The following ATF7 variants were observed in gnomAD, a reference collection of about 807,000 sequenced individuals.
The protein encoded by ATF7 is activating transcription factor 7, also known as cyclic AMP-dependent transcription factor ATF-7.
In ATF7, 10 loss-of-function variants were observed where a neutral mutation model predicts 50.4. That is an observed-to-expected ratio of 0.20 (90% confidence interval 0.12 to 0.34). The LOEUF is 0.34. Ranked by LOEUF, ATF7 falls within the 10% of genes least tolerant of loss-of-function variation. The probability of loss-of-function intolerance (pLI) is 1.00; values close to 1 mark genes in which losing one functional copy is unlikely to be tolerated. For missense variants in ATF7, 465 were observed against 613.9 expected (o/e 0.76, Z 2.56); for synonymous variants, 201 against 226.4 (o/e 0.89, Z 1.01).
At chr12:53,517,620 G>T in intron 11 of ATF7, 1 of 487,514 alleles carries the variant, frequency 2.1e-6, no homozygotes, top group Non-Finnish European at 3.7e-6. Context: ...TACACTGTCT[G>T]GTTTCTAGGT....
At position 53,543,253 on chromosome 12, in the gene ATF7, A is replaced by C. The variant is rs1168136758; in HGVS notation, c.264+77T>G. ...TGATTTTGTGTTTTAACCAATTAAG[A>C]AAATTATCCCAAAGCACAATAAAAA... On this transcript the variant is annotated intron_variant, in intron 4 of 11. Transcript: ENST00000420353. 1.9e-6 allele frequency: 3 copies of C among 1,551,500 alleles called. No individual in the cohort carries two copies. The African/African-American group carries it at 4.1e-5, about 21-fold the overall frequency.
chr12:53,578,532 A>C (rs758316517), intron 2 of ATF7, among the ~76,000 whole-genome samples: 1 of 152,090 alleles, frequency 6.6e-6, no homozygotes, highest in Non-Finnish European at 1.5e-5. Context: ...CTGTAATCCC[A>C]ACACTCTGGG....
chr12:53,593,147 G>A (rs896869910), intron 2 of ATF7, among the ~76,000 whole-genome samples: 14 of 152,322 alleles, frequency 9.2e-5, no homozygotes, highest in African/African-American at 3.4e-4. Flanking sequence ...GCTAATGACT[G>A]TAATCCCAAG....
At chr12:53,583,643 T>C (rs1401957593) in intron 2 of ATF7, among the ~76,000 whole-genome samples, 2 of 152,156 alleles carry the variant, frequency 1.3e-5, no homozygotes, top group African/African-American at 4.8e-5. Flanking sequence ...TGTATGGCGA[T>C]GACTTTTTAA....
At chr12:53,620,505 G>A (rs1167577613) in intron 1 of ATF7, among the ~76,000 whole-genome samples, 1 of 148,542 alleles carries the variant, frequency 6.7e-6, no homozygotes, top group Admixed American at 6.7e-5. Flanking sequence ...GAACCCGGGA[G>A]GCGGAGCTTG....
At chr12:53,617,242 C>T (rs1276276499) in intron 1 of ATF7, among the ~76,000 whole-genome samples, 3 of 152,090 alleles carry the variant, frequency 2.0e-5, no homozygotes, top group African/African-American at 7.2e-5. Context: ...AGGCTGGTCT[C>T]GAACTCCTGG....
At chr12:53,545,688 T>G (rs576756374) in intron 3 of ATF7, among the ~76,000 whole-genome samples, 1 of 152,226 alleles carries the variant, frequency 6.6e-6, no homozygotes, top group Admixed American at 6.5e-5. Flanking sequence ...TGGTGCTACA[T>G]GCATACACTT....
chr12:53,564,529 G>A (rs1941331287), intron 2 of ATF7, among the ~76,000 whole-genome samples: 1 of 152,094 alleles, frequency 6.6e-6, no homozygotes, highest in Non-Finnish European at 1.5e-5. Flanking sequence ...TCAATTATTT[G>A]AATTTTACAG....
At chr12:53,608,792 A>T (rs1449932322) in intron 1 of ATF7, among the ~76,000 whole-genome samples, 1 of 152,188 alleles carries the variant, frequency 6.6e-6, no homozygotes, top group African/African-American at 2.4e-5. Flanking sequence ...GCCATTAAGC[A>T]AAGAGTACAA....
Position 53,534,513 on chromosome 12 carries a change from G to A in ATF7, c.549C>T (p.Asn183=). 1 of 1,613,854 alleles carries A rather than the reference G, an allele frequency of 6.2e-7. No individual in the cohort carries two copies. The highest frequency in any genetic ancestry group is 8.5e-7 in the Non-Finnish European group (1 of 1,179,808). ...CTCTCTGTACTTACCCCATTTGCCT[G>A]TTGGATGGTGGAGCCTGTGTGATGA... ...TSVITQAPPS[N]RQMGSPTGSL... Residue 183 remains asparagine (N), a synonymous_variant, in exon 6 of 12, where the codon AAC becomes AAT. Coordinates refer to ENST00000420353, the MANE Select transcript of ATF7 (RefSeq NM_006856.3).
intron 3 of ATF7, among the ~76,000 whole-genome samples, chr12:53,552,020 C>T (rs12578112): frequency 0.038 from 5,829 of 152,226 alleles, 211 homozygotes; most frequent in East Asian, 0.19. Flanking sequence ...TTAGAAAAGT[C>T]CCACTGACTA....
chr12:53,549,052 T>C (rs1263223922), intron 3 of ATF7, among the ~76,000 whole-genome samples: 3 of 151,814 alleles, frequency 2.0e-5, no homozygotes, highest in Non-Finnish European at 4.4e-5. Flanking sequence ...TTTGGGAGGC[T>C]AAGGCAGGCA....
chr12:53,558,062 T>G (rs1373280436), intron 2 of ATF7, among the ~76,000 whole-genome samples: 1 of 152,230 alleles, frequency 6.6e-6, no homozygotes, highest in African/African-American at 2.4e-5. Context: ...CTAATCTAGA[T>G]AATATGCTCC....
chr12:53,600,199 ATT>A (rs397851114), intron 2 of ATF7, among the ~76,000 whole-genome samples: 2 of 151,782 alleles, frequency 1.3e-5, no homozygotes, highest in Non-Finnish European at 2.9e-5. Context: ...GTCAAAAGAA[ATT>A]TTTTTTTCCT....
intron 1 of ATF7, among the ~76,000 whole-genome samples, chr12:53,612,388 G>A (rs1943921447): frequency 6.6e-6 from 1 of 152,120 alleles, no homozygotes; most frequent in African/African-American, 2.4e-5. Context: ...CCGGGTTCAA[G>A]CGATTCTCCT....
At position 53,626,370 on chromosome 12, in the gene ATF7, T is replaced by C. The variant is rs1944606173; in HGVS notation, c.-113A>G. On this transcript the variant is annotated 5_prime_UTR_variant, in exon 1 of 12. Coordinates refer to ENST00000420353, the MANE Select transcript of ATF7 (RefSeq NM_006856.3). ...TTTCCCCCCTTGGCGGAACGGATAC[T>C]TTCCTCCCGTCCGGCCAGGCGCGCT... 1 of 152,812 alleles carries C rather than the reference T, an allele frequency of 6.5e-6. No individual in the cohort carries two copies. The highest frequency in any genetic ancestry group is 2.4e-5 in the African/African-American group (1 of 41,468). The allele number at this position is 152,812 out of a possible 1,614,324, so 9.5% of individuals were successfully genotyped here.
At chr12:53,561,060 C>T (rs763771685) in intron 2 of ATF7, among the ~76,000 whole-genome samples, 3 of 151,528 alleles carry the variant, frequency 2.0e-5, no homozygotes, top group Non-Finnish European at 4.4e-5. Flanking sequence ...ATCTTCCCAC[C>T]TCAGCCTACC....
At chr12:53,570,371 A>C (rs991731212) in intron 2 of ATF7, among the ~76,000 whole-genome samples, 4 of 152,196 alleles carry the variant, frequency 2.6e-5, no homozygotes, top group African/African-American at 4.8e-5. Flanking sequence ...AGGAAAATAC[A>C]AAGGCCATTA....
At chr12:53,533,354 T>C in intron 6 of ATF7, 95 bp from the exon 7 acceptor site, 5 of 1,035,496 alleles carry the variant, frequency 4.8e-6, no homozygotes, top group South Asian at 1.4e-5. Context: ...TCTTCTCTAG[T>C]TAGGGAAGGT....
Sources: allele counts gnomAD v4.1 joint callset (sites outside exome capture counted in the v4.1 genomes callset), GRCh38; gene constraint gnomAD v4.1.1; transcripts MANE v1.5; gene names NCBI Gene and HGNC (gene_info 2026-07-23, HGNC 2026-07-21).